Variants in PTPRM observed in about 807,000 individuals in gnomAD.
PTPRM encodes receptor-type tyrosine-protein phosphatase mu.
Under a neutral mutation model 186.7 loss-of-function variants are expected in PTPRM, and 47 were observed. The observed-to-expected ratio is 0.25, with a 90% CI of 0.20 to 0.32. The LOEUF (loss-of-function observed/expected upper bound fraction) is 0.32, where lower values mean the gene tolerates loss of function less well. Ranked by LOEUF, PTPRM falls within the 10% of genes least tolerant of loss-of-function variation. The pLI is 1.00. For missense variants in PTPRM, 1,494 were observed against 1,865.0 expected (o/e 0.80, Z 3.66); for synonymous variants, 668 against 674.9 (o/e 0.99, Z 0.16).
At chr18:8,281,092 G>A (rs2094898399) in intron 19 of PTPRM, among the ~76,000 whole-genome samples, 1 of 152,214 alleles carries the variant, frequency 6.6e-6, no homozygotes, top group Non-Finnish European at 1.5e-5. Flanking sequence ...CAAAGGAAGT[G>A]AAGGAAGGGC....
chr18:8,030,672 T>C (rs939912958), intron 7 of PTPRM, among the ~76,000 whole-genome samples: 4 of 151,864 alleles, frequency 2.6e-5, no homozygotes, highest in African/African-American at 9.7e-5. Context: ...TCACATGAGG[T>C]GTCTTCTCTC....
intron 1 of PTPRM, among the ~76,000 whole-genome samples, chr18:7,702,056 C>G (rs2039978401): frequency 6.6e-6 from 1 of 152,150 alleles, no homozygotes. Context: ...ACATACTGTT[C>G]CATGGTGTAT....
At chr18:7,860,792 T>C (rs1016427122) in intron 2 of PTPRM, among the ~76,000 whole-genome samples, 3 of 152,204 alleles carry the variant, frequency 2.0e-5, no homozygotes, top group Non-Finnish European at 4.4e-5. Context: ...GCATGGGGAT[T>C]GTGATGCTCT....
At chr18:8,360,100 T>C (rs1306211636) in intron 23 of PTPRM, among the ~76,000 whole-genome samples, 1 of 152,142 alleles carries the variant, frequency 6.6e-6, no homozygotes, top group Non-Finnish European at 1.5e-5. Context: ...CAGTAACTGG[T>C]TTTAGATAGA....
intron 1 of PTPRM, among the ~76,000 whole-genome samples, chr18:7,721,312 T>C (rs1303193536): frequency 3.3e-5 from 5 of 152,066 alleles, no homozygotes; most frequent in African/African-American, 1.2e-4. Context: ...GGCTATTTTA[T>C]AATTGGATTT....
chr18:8,240,785 A>AGG (rs1568584610), intron 14 of PTPRM, among the ~76,000 whole-genome samples: 17 of 24,800 alleles, frequency 6.9e-4, no homozygotes, highest in African/African-American at 3.9e-3. Flanking sequence ...AGGGAGAGAG[A>AGG]GAGAGAGAGA....
Position 7,852,017 on chromosome 18 carries a change from AG to A in PTPRM, c.197-36088del, listed in dbSNP as rs886695536. 4.7e-4 allele frequency among the ~76,000 whole-genome samples: 72 copies of A among 152,344 alleles called. 1 individual carries two copies. The highest frequency in any genetic ancestry group is 1.7e-3 in the African/African-American group (71 of 41,580). On this transcript the variant is annotated intron_variant, in intron 2 of 32. Coordinates refer to ENST00000580170, the MANE Select transcript of PTPRM (RefSeq NM_001105244.2). ...TGTAATCTCTACAGCAATCACAAAAAGAATAGAGAAGGGATATGTAAAGAAC... is the reference window on the plus strand; with the variant it reads ...TGTAATCTCTACAGCAATCACAAAAAAATAGAGAAGGGATATGTAAAGAAC...
At chr18:7,981,031 A>G (rs566481756) in intron 7 of PTPRM, among the ~76,000 whole-genome samples, 16 of 152,130 alleles carry the variant, frequency 1.1e-4, no homozygotes, top group African/African-American at 3.6e-4. Context: ...GTTTTTCCCC[A>G]CTGCTTTCTT....
At chr18:7,677,346 G>T (rs563928377) in intron 1 of PTPRM, among the ~76,000 whole-genome samples, 1 of 152,302 alleles carries the variant, frequency 6.6e-6, no homozygotes, top group East Asian at 1.9e-4. Context: ...CAAAGCTGAC[G>T]AGTGATTACT....
At chr18:8,180,783 A>G (rs114350936) in intron 14 of PTPRM, among the ~76,000 whole-genome samples, 4,897 of 152,144 alleles carry the variant, frequency 0.032, 285 homozygotes, top group African/African-American at 0.11. Flanking sequence ...AAATCCTGAG[A>G]TCTTATTAGG....
At chr18:7,884,518 ACCTGAACC>A (rs2146312915) in intron 2 of PTPRM, among the ~76,000 whole-genome samples, 2 of 152,276 alleles carry the variant, frequency 1.3e-5, no homozygotes, top group South Asian at 4.1e-4. Context: ...CCTCCCAAGG[ACCTGAACC>A]CCTGCCAGAG....
chr18:7,814,095 T>A (rs1402343378), intron 2 of PTPRM: 1 of 152,260 alleles, frequency 6.6e-6, no homozygotes, highest in Admixed American at 6.5e-5. Context: ...TGTGTACACA[T>A]CTCCATGCTT....
chr18:8,370,899 T>A lies in PTPRM; in HGVS notation c.3064T>A (p.Cys1022Ser), dbSNP rs1383056573. ...TTTATGTTTTCTAAAGGTCAAATGCTGCAAATACTGGCCAGATGACACAGA... is the reference window on the plus strand; with the variant it reads ...TTTATGTTTTCTAAAGGTCAAATGCAGCAAATACTGGCCAGATGACACAGA... Reference protein sequence around the residue: ...NLVEVGRVKCCKYWPDDTEIY... With the variant: ...NLVEVGRVKCSKYWPDDTEIY... Residue 1022 changes from cysteine (C) to serine (S), a missense_variant, in exon 24 of 33, where the codon TGC (cysteine) becomes AGC (serine). Coordinates refer to ENST00000580170, the MANE Select transcript of PTPRM (RefSeq NM_001105244.2). 6.3e-7 allele frequency: 1 copy of A among 1,590,624 alleles called. No individual in the cohort carries two copies. Among genetic ancestry groups the A allele is most frequent in the Non-Finnish European group, 8.6e-7 (1 of 1,166,816 alleles).
At chr18:7,718,165 ATAC>A (rs1358880342) in intron 1 of PTPRM, among the ~76,000 whole-genome samples, 1 of 152,256 alleles carries the variant, frequency 6.6e-6, no homozygotes, top group Non-Finnish European at 1.5e-5. Flanking sequence ...GCTTCAAATT[ATAC>A]TACAAGTCTC....
chr18:8,298,539 G>A (rs1274551949), intron 20 of PTPRM, among the ~76,000 whole-genome samples: 3 of 152,120 alleles, frequency 2.0e-5, no homozygotes, highest in South Asian at 4.1e-4. Flanking sequence ...CCTCCTCATG[G>A]AGACACTGAG....
intron 1 of PTPRM, among the ~76,000 whole-genome samples, chr18:7,581,028 G>T (rs2036831678): frequency 1.3e-5 from 2 of 152,234 alleles, no homozygotes. Context: ...CGTGGACACA[G>T]TGAGCAATAT....
chr18:7,588,708 T>G (rs1456074607), intron 1 of PTPRM, among the ~76,000 whole-genome samples: 1 of 152,228 alleles, frequency 6.6e-6, no homozygotes, highest in Non-Finnish European at 1.5e-5. Context: ...TTTTTGTGTT[T>G]AATATTTACC....
At chr18:7,660,487 A>G (rs1319849138) in intron 1 of PTPRM, among the ~76,000 whole-genome samples, 1 of 152,182 alleles carries the variant, frequency 6.6e-6, no homozygotes, top group Non-Finnish European at 1.5e-5. Flanking sequence ...AGTAGGGAAG[A>G]CAGAGATCTG....
intron 14 of PTPRM, among the ~76,000 whole-genome samples, chr18:8,194,828 C>T (rs764171367): frequency 6.6e-6 from 1 of 152,194 alleles, no homozygotes; most frequent in Non-Finnish European, 1.5e-5. Flanking sequence ...CTTAGAGTGA[C>T]GCAGTGTCAG....
Sources: gnomAD v4.1 joint callset for allele counts (sites outside exome capture counted in the v4.1 genomes callset) on GRCh38, gnomAD v4.1.1 for gene constraint, MANE v1.5 for transcripts, NCBI Gene and HGNC (gene_info 2026-07-23, HGNC 2026-07-21) for gene names.